ZBTB20: variants seen among roughly 807,000 people sequenced by gnomAD.
The protein encoded by ZBTB20 is zinc finger and BTB domain containing 20, also known as zinc finger and BTB domain-containing protein 20.
ZBTB20 carries 9 observed loss-of-function variants against 56.9 expected under a neutral mutation model. The observed-to-expected ratio is 0.16, with a 90% CI of 0.10 to 0.28. ZBTB20 has a LOEUF of 0.28. Ranked by LOEUF, ZBTB20 falls within the 10% of genes least tolerant of loss-of-function variation. ZBTB20 has a pLI of 1.00. For missense variants in ZBTB20, 655 were observed against 1,003.0 expected, an observed-to-expected ratio of 0.65 and a Z score of 4.69; for synonymous variants, 417 against 420.7, an observed-to-expected ratio of 0.99 and a Z score of 0.11.
At chr3:114,551,391 T>C (rs1183660202) in intron 6 of ZBTB20, among the ~76,000 whole-genome samples, 2 of 152,210 alleles carry the variant, frequency 1.3e-5, no homozygotes, top group South Asian at 4.1e-4. Flanking sequence ...TAGACAATTA[T>C]GCAAATTAAG....
At chr3:114,697,316 C>T (rs1449179526) in intron 5 of ZBTB20, among the ~76,000 whole-genome samples, 1 of 151,854 alleles carries the variant, frequency 6.6e-6, no homozygotes, top group Non-Finnish European at 1.5e-5. Context: ...TAAGTAAAAA[C>T]GAAGTCAAAA....
chr3:114,614,249 C>T (rs1006198152), intron 6 of ZBTB20, among the ~76,000 whole-genome samples: 1 of 152,102 alleles, frequency 6.6e-6, no homozygotes, highest in Non-Finnish European at 1.5e-5. Flanking sequence ...TAAAAATTAT[C>T]ACAATGGTAT....
intron 7 of ZBTB20, among the ~76,000 whole-genome samples, chr3:114,496,934 G>A (rs748518709): frequency 2.6e-5 from 4 of 152,150 alleles, no homozygotes; most frequent in Non-Finnish European, 4.4e-5. Context: ...CCCACTATGG[G>A]CAGTAGGAGG....
At chr3:114,890,693 T>C (rs640072) in intron 4 of ZBTB20, among the ~76,000 whole-genome samples, 127,708 of 152,024 alleles carry the variant, frequency 0.84, 54,768 homozygotes, top group East Asian at 0.99. Context: ...GGCACATGTA[T>C]ACATATGTAA....
intron 7 of ZBTB20, among the ~76,000 whole-genome samples, chr3:114,421,940 A>G (rs1278903142): frequency 1.3e-5 from 2 of 151,482 alleles, no homozygotes; most frequent in South Asian, 2.1e-4. Flanking sequence ...TTCGGGCTGT[A>G]TCTTAGTGCA....
chr3:115,015,243 TAAAG>T (rs1272890698), intron 2 of ZBTB20, among the ~76,000 whole-genome samples: 2 of 151,846 alleles, frequency 1.3e-5, no homozygotes, highest in East Asian at 1.9e-4. Context: ...TGTGCACAAA[TAAAG>T]AAACATATTG....
chr3:114,434,458 C>T (rs2090358060), intron 7 of ZBTB20, among the ~76,000 whole-genome samples: 1 of 151,620 alleles, frequency 6.6e-6, no homozygotes, highest in African/African-American at 2.4e-5. Context: ...CTGGGTTCTT[C>T]CTACAGAAAC....
intron 7 of ZBTB20, among the ~76,000 whole-genome samples, chr3:114,464,553 A>C (rs186561383): frequency 2.6e-5 from 4 of 152,358 alleles, no homozygotes; most frequent in Admixed American, 2.0e-4. Flanking sequence ...GCACATCTTT[A>C]AACTTAGATT....
intron 4 of ZBTB20, among the ~76,000 whole-genome samples, chr3:114,848,740 T>C (rs558559630): frequency 6.6e-6 from 1 of 152,374 alleles, no homozygotes; most frequent in South Asian, 2.1e-4. Flanking sequence ...GCTTATGCTG[T>C]CCTGCACGCT....
At chr3:115,067,725 TTGCACA>T (rs2082259616) in intron 2 of ZBTB20, among the ~76,000 whole-genome samples, 3 of 152,098 alleles carry the variant, frequency 2.0e-5, no homozygotes, top group Non-Finnish European at 4.4e-5. Context: ...AACAGAAACA[TTGCACA>T]TGCACATGCA....
At chr3:114,685,322 T>C (rs1462104495) in intron 6 of ZBTB20, among the ~76,000 whole-genome samples, 2 of 152,172 alleles carry the variant, frequency 1.3e-5, no homozygotes, top group Non-Finnish European at 2.9e-5. Context: ...GCAGGCTTGA[T>C]AGCTGTATCA....
rs143755759 is a variant in ZBTB20, at chr3:114,677,868, C to A, written c.-295+15660G>T. On this transcript the variant is annotated intron_variant, in intron 6 of 11. Transcript: ENST00000675478. ...CCCTTCCTCTCTCTGCCTACTCTTT[C>A]TTATTCCTTCTTTTAAATCAAAGTT... 1.5e-3 allele frequency among the ~76,000 whole-genome samples: 228 copies of A among 152,276 alleles called. 1 individual carries two copies. The highest frequency in any genetic ancestry group is 0.01 in the South Asian group (49 of 4,828).
chr3:115,052,013 G>A (rs182995626), intron 2 of ZBTB20, among the ~76,000 whole-genome samples: 1 of 152,198 alleles, frequency 6.6e-6, no homozygotes, highest in Non-Finnish European at 1.5e-5. Flanking sequence ...TTGCACCCAT[G>A]ATCTGATCAC....
chr3:114,775,627 C>T (rs1417605951), intron 5 of ZBTB20, among the ~76,000 whole-genome samples: 4 of 152,024 alleles, frequency 2.6e-5, no homozygotes, highest in Non-Finnish European at 5.9e-5. Context: ...GGGCTGCACA[C>T]GGAGCCCTTT....
rs182424914 is a variant in ZBTB20 at position 114,602,768 on chromosome 3, C to A, written c.-295+90760G>T. On this transcript the variant is annotated intron_variant, in intron 6 of 11. Transcript: ENST00000675478. The stretch of plus-strand genomic sequence containing the variant: ...AAAGGCTTCTGTATAAAACTCCCCC[C>A]AAAAACTCATATGCTATATAATTTG... Among the ~76,000 whole-genome samples, 17 of 152,044 alleles carry A rather than the reference C, an allele frequency of 1.1e-4. No individual in the cohort carries two copies. The East Asian group carries it at 3.3e-3, about 29-fold the overall frequency.
At chr3:114,612,088 T>TGA (rs2057604100) in intron 6 of ZBTB20, among the ~76,000 whole-genome samples, 1 of 152,230 alleles carries the variant, frequency 6.6e-6, no homozygotes, top group Non-Finnish European at 1.5e-5. Context: ...CCTACTTCTC[T>TGA]GTTTTCCCAT....
intron 4 of ZBTB20, among the ~76,000 whole-genome samples, chr3:114,824,294 A>T (rs1325791264): frequency 1.3e-5 from 2 of 152,030 alleles, no homozygotes; most frequent in African/African-American, 4.8e-5. Context: ...CCAAAAACCA[A>T]TGAAGAGAAA....
At chr3:114,647,186 C>T (rs907041268) in intron 6 of ZBTB20, among the ~76,000 whole-genome samples, 1 of 152,154 alleles carries the variant, frequency 6.6e-6, no homozygotes, top group African/African-American at 2.4e-5. Context: ...TCTCGATCTC[C>T]TGACCTTGTA....
chr3:114,508,441 A>G (rs2044912973), intron 6 of ZBTB20, among the ~76,000 whole-genome samples: 1 of 152,128 alleles, frequency 6.6e-6, no homozygotes, highest in South Asian at 2.1e-4. Flanking sequence ...AGTCCATTCT[A>G]TCTATGGCCC....
Sources: gnomAD v4.1 joint callset for allele counts (sites outside exome capture counted in the v4.1 genomes callset) on GRCh38, gnomAD v4.1.1 for gene constraint, MANE v1.5 for transcripts, NCBI Gene and HGNC (gene_info 2026-07-23, HGNC 2026-07-21) for gene names.